SYN3: variants seen among roughly 807,000 people sequenced by gnomAD.
SYN3 encodes the protein synapsin-3.
In SYN3, 35 loss-of-function variants were observed where a neutral mutation model predicts 65.8. That is an observed-to-expected ratio of 0.53 (90% CI 0.41 to 0.70). The LOEUF is 0.70. Among genes scored for constraint, SYN3 ranks in the 30% least tolerant of loss-of-function variants. The probability of loss-of-function intolerance (pLI) is 0.00; values close to 1 mark genes in which losing one functional copy is unlikely to be tolerated. For missense variants in SYN3, 680 were observed against 749.0 expected (o/e 0.91, Z 1.08); for synonymous variants, 270 against 292.9 (o/e 0.92, Z 0.80).
intron 4 of SYN3, among the ~76,000 whole-genome samples, chr22:32,919,696 G>A (rs1402802327): frequency 6.6e-6 from 1 of 152,192 alleles, no homozygotes; most frequent in Non-Finnish European, 1.5e-5. Flanking sequence ...AATTATGTAT[G>A]AAATAAGGAG....
intron 6 of SYN3, among the ~76,000 whole-genome samples, chr22:32,818,282 A>G (rs2047141652): frequency 6.6e-6 from 1 of 152,180 alleles, no homozygotes; most frequent in African/African-American, 2.4e-5. Flanking sequence ...TCTGCTGGGC[A>G]AAGCAAGGAC....
intron 6 of SYN3, among the ~76,000 whole-genome samples, chr22:32,715,126 C>T (rs562490886): frequency 6.6e-6 from 1 of 152,200 alleles, no homozygotes; most frequent in African/African-American, 2.4e-5. Context: ...TAAGCCAGCT[C>T]TCTGAAAAAA....
At chr22:32,944,657 C>G (rs1028755767) in intron 3 of SYN3, among the ~76,000 whole-genome samples, 2 of 152,290 alleles carry the variant, frequency 1.3e-5, no homozygotes, top group Middle Eastern at 6.8e-3. Flanking sequence ...CCTCTCTCAC[C>G]ACTCCTATTC....
chr22:32,824,277 CAA>C (rs130288), intron 6 of SYN3, among the ~76,000 whole-genome samples: 14 of 133,180 alleles, frequency 1.1e-4, no homozygotes, highest in African/African-American at 3.7e-4. Context: ...GACTCCATCT[CAA>C]AAAAAAAAAA....
chr22:32,851,904 A>T (rs2048229307), intron 6 of SYN3, among the ~76,000 whole-genome samples: 2 of 152,200 alleles, frequency 1.3e-5, no homozygotes, highest in Admixed American at 1.3e-4. Flanking sequence ...CAAGTCAGAC[A>T]AGATACAGGC....
intron 6 of SYN3, among the ~76,000 whole-genome samples, chr22:32,831,620 C>A (rs376940220): frequency 3.9e-5 from 6 of 152,132 alleles, no homozygotes; most frequent in Admixed American, 1.3e-4. Context: ...CTTATCTTCT[C>A]GGCATTCTTT....
chr22:32,965,439 A>G (rs144034853), intron 3 of SYN3, among the ~76,000 whole-genome samples: 1 of 152,132 alleles, frequency 6.6e-6, no homozygotes, highest in East Asian at 1.9e-4. Context: ...TGGAGCACCT[A>G]TTATGTACCG....
chr22:32,827,225 A>G (rs904760387), intron 6 of SYN3, among the ~76,000 whole-genome samples: 2 of 152,312 alleles, frequency 1.3e-5, no homozygotes, highest in Non-Finnish European at 2.9e-5. Context: ...GCTTCTCCAC[A>G]TTGCTGGGTG....
chr22:32,618,734 G>A (rs147902979), intron 6 of SYN3, among the ~76,000 whole-genome samples: 94 of 152,232 alleles, frequency 6.2e-4, no homozygotes, highest in South Asian at 4.6e-3. Flanking sequence ...AGCTGAGTCC[G>A]CAACAAGTGA....
chr22:32,554,213 G>A (rs759264304), intron 7 of SYN3, among the ~76,000 whole-genome samples: 3 of 152,248 alleles, frequency 2.0e-5, no homozygotes, highest in Non-Finnish European at 4.4e-5. Context: ...TGCACTTGCT[G>A]TTCCTGCTGC....
At chr22:32,609,240 C>T (rs1275182480) in intron 6 of SYN3, among the ~76,000 whole-genome samples, 1 of 151,856 alleles carries the variant, frequency 6.6e-6, no homozygotes, top group Non-Finnish European at 1.5e-5. Context: ...AGGAGAATGG[C>T]GTGAATCCGG....
chr22:32,818,245 G>A (rs1465887236), intron 6 of SYN3, among the ~76,000 whole-genome samples: 2 of 152,224 alleles, frequency 1.3e-5, no homozygotes, highest in African/African-American at 4.8e-5. Context: ...AGGATTTGAC[G>A]TGGGATGCCA....
chr22:32,525,256 TGTC>T (rs2146117158), intron 12 of SYN3, among the ~76,000 whole-genome samples: 1 of 152,284 alleles, frequency 6.6e-6, no homozygotes, highest in African/African-American at 2.4e-5. Context: ...TAAGTGAAGA[TGTC>T]GTGGAAATAG....
rs537318778 is a variant in SYN3, at chr22:32,549,256, CT to C, written c.775-7544del. 1.2e-3 allele frequency among the ~76,000 whole-genome samples: 179 copies of C among 144,856 alleles called. 2 individuals are homozygous for C. Among genetic ancestry groups the C allele is most frequent in the South Asian group, 5.3e-3 (24 of 4,564 alleles). ...CAGAATAATGAGGATAACATGCAAG[CT>C]TTTTTTTTTTGTTTGAGACAGAGTC... On this transcript the variant is annotated intron_variant, in intron 7 of 13. Transcript: ENST00000358763.
intron 6 of SYN3, among the ~76,000 whole-genome samples, chr22:32,812,359 T>C (rs1486029716): frequency 6.6e-6 from 1 of 152,204 alleles, no homozygotes; most frequent in African/African-American, 2.4e-5. Flanking sequence ...TCTAGTGAGC[T>C]GAGATACTTT....
At chr22:32,531,662 G>GT (rs1002355215) in intron 10 of SYN3, among the ~76,000 whole-genome samples, 8 of 147,004 alleles carry the variant, frequency 5.4e-5, no homozygotes, top group African/African-American at 2.0e-4. Context: ...GAAGAAACCA[G>GT]TGTTTTGGGA....
At chr22:32,691,730 G>T (rs1020298316) in intron 6 of SYN3, among the ~76,000 whole-genome samples, 2 of 151,872 alleles carry the variant, frequency 1.3e-5, no homozygotes, top group Non-Finnish European at 2.9e-5. Flanking sequence ...GGGTGGTGGC[G>T]GGGAGAGAAA....
chr22:32,715,050 T>A (rs1411529171), intron 6 of SYN3, among the ~76,000 whole-genome samples: 4 of 152,210 alleles, frequency 2.6e-5, no homozygotes, highest in Non-Finnish European at 4.4e-5. Flanking sequence ...AATTTTATGA[T>A]GAAATACATT....
chr22:32,706,265 T>C (rs564342147), intron 6 of SYN3, among the ~76,000 whole-genome samples: 4 of 152,212 alleles, frequency 2.6e-5, no homozygotes, highest in African/African-American at 4.8e-5. Flanking sequence ...GAACTTTTAA[T>C]TGAATTGCAG....
Sources: gnomAD v4.1 joint callset for allele counts (sites outside exome capture counted in the v4.1 genomes callset) on GRCh38, gnomAD v4.1.1 for gene constraint, MANE v1.5 for transcripts, NCBI Gene and HGNC (gene_info 2026-07-23, HGNC 2026-07-21) for gene names.